TMEM117: variants seen among roughly 807,000 people sequenced by gnomAD.
The protein encoded by TMEM117 is transmembrane protein 117.
Under a neutral mutation model 52.4 loss-of-function variants are expected in TMEM117, and 27 were observed. That is an observed-to-expected ratio of 0.51 (90% CI 0.38 to 0.71). The LOEUF (loss-of-function observed/expected upper bound fraction) is 0.71, where lower values mean the gene tolerates loss of function less well. Ranked by LOEUF, TMEM117 falls within the 30% of genes least tolerant of loss-of-function variation. The pLI is 0.00. For synonymous variants in TMEM117, 215 were observed against 206.3 expected, an observed-to-expected ratio of 1.04 and a Z score of -0.36; for missense variants, 556 against 630.5, an observed-to-expected ratio of 0.88 and a Z score of 1.26.
chr12:44,333,054 T>A (rs548536479), intron 6 of TMEM117, among the ~76,000 whole-genome samples: 16 of 152,228 alleles, frequency 1.1e-4, no homozygotes, highest in African/African-American at 1.4e-4. Context: ...TGTAAATGAT[T>A]ACTGAAGAGT....
chr12:44,137,340 A>G (rs1338867600), intron 3 of TMEM117, among the ~76,000 whole-genome samples: 1 of 152,102 alleles, frequency 6.6e-6, no homozygotes. Flanking sequence ...TGGGACAATA[A>G]AGAGAGCATT....
At chr12:43,805,565 A>G in the TMEM117 span, 6 of 460,596 alleles carry the variant, frequency 1.3e-5, no homozygotes, top group Admixed American at 7.0e-5. Flanking sequence ...AATGGAGGTC[A>G]GATATAACTG....
At chr12:44,011,090 T>C (rs1565791288) in intron 3 of TMEM117, among the ~76,000 whole-genome samples, 2 of 152,198 alleles carry the variant, frequency 1.3e-5, no homozygotes, top group Non-Finnish European at 2.9e-5. Context: ...TTTTCTCATT[T>C]TTTTCTTGCT....
chr12:44,223,872 A>G lies in TMEM117; in HGVS notation c.608+12485A>G, dbSNP rs542915776. The stretch of plus-strand genomic sequence containing the variant: ...AAGCTGCCAAGAGAAGCTTCTGAAA[A>G]GTATAATTGTTTGCCTCGTTCTGCC... On this transcript the variant is annotated intron_variant, in intron 5 of 7. Coordinates refer to ENST00000266534, the MANE Select transcript of TMEM117 (RefSeq NM_032256.3). 7.9e-5 allele frequency among the ~76,000 whole-genome samples: 12 copies of G among 152,326 alleles called. No homozygotes were observed. The South Asian group carries it at 2.5e-3, about 32-fold the overall frequency.
intron 5 of TMEM117, among the ~76,000 whole-genome samples, chr12:44,261,305 T>C (rs1950318053): frequency 6.6e-6 from 1 of 152,106 alleles, no homozygotes; most frequent in Admixed American, 6.6e-5. Context: ...GCTTAATCAG[T>C]AAATAGTAAA....
intron 6 of TMEM117, among the ~76,000 whole-genome samples, chr12:44,367,764 T>C (rs1565763161): frequency 6.6e-6 from 1 of 152,094 alleles, no homozygotes; most frequent in African/African-American, 2.4e-5. Context: ...TCTTACCCAC[T>C]TCTCTATTTT....
chr12:44,121,341 G>A (rs939995588), intron 3 of TMEM117, among the ~76,000 whole-genome samples: 2 of 152,054 alleles, frequency 1.3e-5, no homozygotes, highest in African/African-American at 4.8e-5. Context: ...GAACAACATG[G>A]GTTTGAACTG....
chr12:44,049,227 C>T (rs562059270), intron 3 of TMEM117, among the ~76,000 whole-genome samples: 48 of 152,246 alleles, frequency 3.2e-4, no homozygotes, highest in Non-Finnish European at 6.0e-4. Flanking sequence ...TGGAATACTA[C>T]GCAGCCATAA....
intron 3 of TMEM117, among the ~76,000 whole-genome samples, chr12:44,052,165 T>A (rs1298433333): frequency 6.6e-6 from 1 of 152,346 alleles, no homozygotes; most frequent in East Asian, 1.9e-4. Flanking sequence ...GATCTTTATC[T>A]CATTGAATAA....
intron 3 of TMEM117, among the ~76,000 whole-genome samples, chr12:44,102,009 T>C (rs1947869411): frequency 6.6e-6 from 1 of 152,018 alleles, no homozygotes. Flanking sequence ...TTAGATCACT[T>C]TGAGGTGGGC....
chr12:43,935,910 G>A (rs1944945138), intron 2 of TMEM117, among the ~76,000 whole-genome samples: 1 of 152,174 alleles, frequency 6.6e-6, no homozygotes, highest in African/African-American at 2.4e-5. Flanking sequence ...CCAGGCAGAG[G>A]GTTCAGCATG....
intron 3 of TMEM117, among the ~76,000 whole-genome samples, chr12:44,007,115 C>T (rs1946210385): frequency 6.6e-6 from 1 of 152,146 alleles, no homozygotes; most frequent in Non-Finnish European, 1.5e-5. Flanking sequence ...TAATTCCTCC[C>T]TCTCACCCCT....
chr12:44,064,614 A>G (rs954627461), intron 3 of TMEM117, among the ~76,000 whole-genome samples: 20 of 152,222 alleles, frequency 1.3e-4, no homozygotes, highest in Admixed American at 1.3e-3. Context: ...TTTTTTAAAA[A>G]TCTGTTTTTT....
chr12:44,321,686 G>A (rs995784943), intron 6 of TMEM117, among the ~76,000 whole-genome samples: 1 of 152,078 alleles, frequency 6.6e-6, no homozygotes, highest in Non-Finnish European at 1.5e-5. Flanking sequence ...TATGATGGGT[G>A]AAAAAACTAT....
chr12:44,288,624 G>A (rs1044739661), intron 5 of TMEM117, among the ~76,000 whole-genome samples: 8 of 151,982 alleles, frequency 5.3e-5, no homozygotes, highest in Admixed American at 4.6e-4. Context: ...TCTAATTACC[G>A]AAGTACTTAT....
At chr12:44,189,040 A>T (rs1949317313) in intron 4 of TMEM117, among the ~76,000 whole-genome samples, 2 of 152,096 alleles carry the variant, frequency 1.3e-5, no homozygotes, top group Admixed American at 6.6e-5. Context: ...TACCACCTTA[A>T]ATATTTATCT....
intron 2 of TMEM117, among the ~76,000 whole-genome samples, chr12:43,872,860 C>G (rs919759966): frequency 2.0e-5 from 3 of 152,092 alleles, no homozygotes; most frequent in Non-Finnish European, 4.4e-5. Context: ...TTATAGCTTT[C>G]TTTTTTCCCC....
At position 43,918,526 on chromosome 12, in the gene TMEM117, CT is replaced by C. The variant is rs534830074; in HGVS notation, c.278-25683del. On this transcript the variant is annotated intron_variant, in intron 2 of 7. Coordinates refer to ENST00000266534, the MANE Select transcript of TMEM117 (RefSeq NM_032256.3). ...AATTCTTTTGGATAGCTTTGTCTAG[CT>C]GCTTAGTTAATTAACCAATTAGAAG... Among the ~76,000 whole-genome samples, 192 of 152,304 alleles carry C rather than the reference CT, an allele frequency of 1.3e-3. 1 individual carries two copies. The highest frequency in any genetic ancestry group is 4.4e-3 in the African/African-American group (183 of 41,568).
intron 3 of TMEM117, among the ~76,000 whole-genome samples, chr12:44,011,163 G>T (rs76645087): frequency 3.8e-4 from 58 of 151,952 alleles, no homozygotes; most frequent in African/African-American, 1.4e-3. Context: ...AGAATTCTAG[G>T]TTTTTTTCTA....
Sources: gnomAD v4.1 joint callset for allele counts (sites outside exome capture counted in the v4.1 genomes callset) on GRCh38, gnomAD v4.1.1 for gene constraint, MANE v1.5 for transcripts, NCBI Gene and HGNC (gene_info 2026-07-23, HGNC 2026-07-21) for gene names.